Variants in LAMB1 observed in about 807,000 individuals in gnomAD.
LAMB1 encodes laminin subunit beta 1, also known as laminin subunit beta-1.
LAMB1 carries 121 observed loss-of-function variants against 222.3 expected under a neutral mutation model. That is an observed-to-expected ratio of 0.54 (90% CI 0.47 to 0.63). The LOEUF is 0.63. LAMB1 is among the 30% of genes least tolerant of loss of function. LAMB1 has a pLI of 0.00. For missense variants in LAMB1, 2,172 were observed against 2,240.8 expected, an observed-to-expected ratio of 0.97 and a Z score of 0.62; for synonymous variants, 794 against 807.2, an observed-to-expected ratio of 0.98 and a Z score of 0.28.
intron 32 of LAMB1, 84 bp downstream of exon 32, chr7:107,926,099 C>T: frequency 9.9e-7 from 1 of 1,005,462 alleles, no homozygotes; most frequent in East Asian, 2.4e-5. Flanking sequence ...CTGTTAGGTC[C>T]ATGTCCCTTA....
chr7:107,996,141 A>G (rs1357948228), intron 4 of LAMB1, among the ~76,000 whole-genome samples: 1 of 152,212 alleles, frequency 6.6e-6, no homozygotes, highest in African/African-American at 2.4e-5. Context: ...GCTTTTAAAA[A>G]CCTACAATAT....
rs761579412 is a variant in LAMB1 at position 107,940,375 on chromosome 7, A to C, written c.3392-17T>G. ...AGTCACAGGCTAGAAGGGAATAAGC[A>C]ATGCTAGCTGATCTACTTAATCATG... On this transcript the variant is annotated splice_polypyrimidine_tract_variant and intron_variant, in intron 24 of 33. Coordinates refer to ENST00000222399, the MANE Select transcript of LAMB1 (RefSeq NM_002291.3). The C allele has an allele frequency of 1.2e-6, 2 of 1,600,756 alleles. No individual in the cohort carries two copies. The highest frequency in any genetic ancestry group is 2.2e-5 in the South Asian group (2 of 90,600).
rs147357522 is a variant in LAMB1, at chr7:108,001,884, G to A, written c.38-151C>T. The A allele has an allele frequency of 2.0e-3, 3,003 of 1,471,102 alleles. 47 individuals are homozygous for A. The African/African-American group carries it at 0.035, about 17-fold the overall frequency. The allele number at this position is 1,471,102 out of a possible 1,614,324, so 91.1% of individuals were successfully genotyped here. A position where few individuals can be genotyped will look rare whatever the true frequency, so the allele number is the denominator to read the frequency against. On this transcript the variant is annotated intron_variant, in intron 2 of 33. Transcript: ENST00000222399. The stretch of plus-strand genomic sequence containing the variant: ...TGCACAGAAAAGACAATGGAGAGAT[G>A]AGCGCAGGAGAGGCTGGGAAGGCAG...
chr7:107,997,866 G>A (rs1447908395), intron 4 of LAMB1, among the ~76,000 whole-genome samples: 1 of 152,078 alleles, frequency 6.6e-6, no homozygotes, highest in Admixed American at 6.5e-5. Flanking sequence ...TATCCATGTT[G>A]ACAGAGTCTT....
chr7:107,953,583 C>T lies in LAMB1; in HGVS notation c.3026G>A (p.Cys1009Tyr). 6.2e-7 allele frequency: 1 copy of T among 1,614,206 alleles called. No individual in the cohort carries two copies. The highest frequency in any genetic ancestry group is 1.1e-5 in the South Asian group (1 of 91,082). ...ATAGTATCCAAACCGGCAGAACTGA[C>T]AGTGTTCCCCTTCCGTGTGGTACAG... ...KCLYHTEGEHCQFCRFGYYGD... is the reference protein window; with the variant it reads ...KCLYHTEGEHYQFCRFGYYGD... Residue 1009 changes from cysteine (C) to tyrosine (Y), a missense_variant, in exon 22 of 34, where the codon TGT (cysteine) becomes TAT (tyrosine). Transcript: ENST00000222399.
chr7:107,979,399 A>G (rs2033929577), intron 8 of LAMB1, among the ~76,000 whole-genome samples: 1 of 152,202 alleles, frequency 6.6e-6, no homozygotes, highest in Non-Finnish European at 1.5e-5. Flanking sequence ...CACAGCCTTC[A>G]TGAGGGGAGG....
Position 107,958,676 on chromosome 7 carries a change from A to G in LAMB1, c.2690+573T>C, listed in dbSNP as rs953393037. Among the ~76,000 whole-genome samples, 12 of 152,284 alleles carry G rather than the reference A, an allele frequency of 7.9e-5. No homozygotes were observed. The Middle Eastern group carries it at 0.01, about 129-fold the overall frequency. On this transcript the variant is annotated intron_variant, in intron 20 of 33. Transcript: ENST00000222399. ...TTTTCATACGGAGTATTTTTTATCT[A>G]TTGAGCTATCCTATTAATGTTATGG... is the stretch of plus-strand genomic sequence containing the variant.
At position 107,981,445 on chromosome 7, in the gene LAMB1, T is replaced by TA. The variant is rs11304647; in HGVS notation, c.677-635dup. Among the ~76,000 whole-genome samples the TA allele has an allele frequency of 5.7e-3, 804 of 141,256 alleles. 8 individuals carry two copies. Among genetic ancestry groups the TA allele is most frequent in the African/African-American group, 0.018 (676 of 38,076 alleles). The allele number at this position is 141,256 out of a possible 152,430, so 92.7% of individuals were successfully genotyped here. Reference sequence around the variant, plus strand: ...CCTGAACGACAAGAGCAAAACTGTTTAAAAAAAAAAAAAAAAAATTAGCCA... The same window carrying TA: ...CCTGAACGACAAGAGCAAAACTGTTTAAAAAAAAAAAAAAAAAAATTAGCCA... On this transcript the variant is annotated intron_variant, in intron 7 of 33. Transcript: ENST00000222399.
At chr7:107,981,892 C>T (rs961361114) in intron 7 of LAMB1, among the ~76,000 whole-genome samples, 1 of 152,224 alleles carries the variant, frequency 6.6e-6, no homozygotes, top group African/African-American at 2.4e-5. Flanking sequence ...TATAGAATAA[C>T]TACAACCTAA....
intron 32 of LAMB1, among the ~76,000 whole-genome samples, chr7:107,924,855 C>T (rs1477992709): frequency 6.6e-6 from 1 of 152,064 alleles, no homozygotes; most frequent in African/African-American, 2.4e-5. Flanking sequence ...GAGATTGTAG[C>T]ATATGCAAGA....
chr7:107,940,123 G>C lies in LAMB1; in HGVS notation c.3627C>G (p.Ile1209Met). 6.2e-7 allele frequency: 1 copy of C among 1,614,088 alleles called. No individual in the cohort carries two copies. Among genetic ancestry groups the C allele is most frequent in the Non-Finnish European group, 8.5e-7 (1 of 1,180,020 alleles). ...RFLEKAKALKISGVIGPYRET... is the reference protein window; with the variant it reads ...RFLEKAKALKMSGVIGPYRET... ...CACGGTAAGGCCCGATCACACCACTGATCTTCAAGGCCTTGGCTTTCTCCA... is the reference window on the plus strand; with the variant it reads ...CACGGTAAGGCCCGATCACACCACTCATCTTCAAGGCCTTGGCTTTCTCCA... Residue 1209 changes from isoleucine to methionine, a missense_variant, in exon 25 of 34, where the codon ATC (isoleucine) becomes ATG (methionine). Physicochemically the swap from Ile to Met is conservative, Grantham distance 10. Coordinates refer to ENST00000222399, the MANE Select transcript of LAMB1 (RefSeq NM_002291.3).
Position 107,940,073 on chromosome 7 carries a change from T to C in LAMB1, c.3677A>G (p.Lys1226Arg), listed in dbSNP as rs988435256. Residue 1226 changes from lysine to arginine, a missense_variant, in exon 25 of 34, where the codon AAA (lysine) becomes AGA (arginine). Physicochemically the swap from Lys to Arg is conservative, Grantham distance 26. Coordinates refer to ENST00000222399, the MANE Select transcript of LAMB1 (RefSeq NM_002291.3). ...YRETVDSVER[K>R]VSEIKDILAQ... is the part of the protein sequence containing the mutation. ...CAGGATGTCTTTTATCTCGCTGACTTTCCTCTCCACCGAGTCCACAGTCTC... is the reference window on the plus strand; with the variant it reads ...CAGGATGTCTTTTATCTCGCTGACTCTCCTCTCCACCGAGTCCACAGTCTC... 6.2e-7 allele frequency: 1 copy of C among 1,614,152 alleles called. No individual in the cohort carries two copies. The highest frequency in any genetic ancestry group is 1.3e-5 in the African/African-American group (1 of 75,046).
At chr7:107,940,426 T>C in intron 24 of LAMB1, 68 bp from the exon 25 acceptor site, 2 of 1,496,508 alleles carry the variant, frequency 1.3e-6, no homozygotes, top group East Asian at 4.6e-5. Flanking sequence ...ATGTGGCATT[T>C]AGAATACTCA....
At chr7:107,993,765 G>T (rs1412605907) in intron 5 of LAMB1, among the ~76,000 whole-genome samples, 1 of 152,234 alleles carries the variant, frequency 6.6e-6, no homozygotes, top group Non-Finnish European at 1.5e-5. Flanking sequence ...GAAGGGACAA[G>T]CGGTTGGTGA....
At chr7:107,978,310 T>A in intron 8 of LAMB1, 143 bp from the exon 9 acceptor site, 1 of 906,938 alleles carries the variant, frequency 1.1e-6, no homozygotes, top group Non-Finnish European at 1.7e-6. Flanking sequence ...TTGTTTTTAT[T>A]TTCTCCCTGC....
chr7:107,998,998 G>A (rs560186919), intron 3 of LAMB1, among the ~76,000 whole-genome samples: 20 of 152,320 alleles, frequency 1.3e-4, no homozygotes, highest in Non-Finnish European at 2.4e-4. Flanking sequence ...AGATTTCTTC[G>A]TTTCCACCCT....
At chr7:107,941,623 T>C (rs918805662) in intron 24 of LAMB1, among the ~76,000 whole-genome samples, 1 of 151,144 alleles carries the variant, frequency 6.6e-6, no homozygotes, top group Admixed American at 6.6e-5. Flanking sequence ...ATGTCAACTG[T>C]GGCAAAGCAC....
At chr7:107,930,668 T>C (rs1323650072) in intron 29 of LAMB1, among the ~76,000 whole-genome samples, 6 of 152,222 alleles carry the variant, frequency 3.9e-5, no homozygotes, top group Admixed American at 3.9e-4. Flanking sequence ...TTTAAAAAGA[T>C]GCAAGGAATA....
chr7:107,975,561 T>C (rs2033835971), intron 10 of LAMB1, 128 bp downstream of exon 10: 1 of 1,239,896 alleles, frequency 8.1e-7, no homozygotes, highest in South Asian at 1.5e-5. Flanking sequence ...TCCCAGCGTC[T>C]TCAACTGCAA....
Sources: gnomAD v4.1 joint callset for allele counts (sites outside exome capture counted in the v4.1 genomes callset) on GRCh38, gnomAD v4.1.1 for gene constraint, MANE v1.5 for transcripts, NCBI Gene and HGNC (gene_info 2026-07-23, HGNC 2026-07-21) for gene names.